The following MLPH variants were observed in gnomAD, a reference collection of about 807,000 sequenced individuals.
MLPH encodes melanophilin.
MLPH carries 51 observed loss-of-function variants against 72.1 expected under a neutral mutation model. The ratio of observed to expected loss-of-function variants is 0.71; its 90% CI spans 0.56 to 0.89. The LOEUF (loss-of-function observed/expected upper bound fraction) is 0.89. MLPH is among the 40% of genes least tolerant of loss of function. The pLI is 0.00. For missense variants in MLPH, 743 were observed against 759.9 expected (o/e 0.98, Z 0.26); for synonymous variants, 301 against 310.1 (o/e 0.97, Z 0.31).
chr2:237,548,965 A>C (rs1216903004), intron 13 of MLPH, among the ~76,000 whole-genome samples: 2 of 152,170 alleles, frequency 1.3e-5, no homozygotes, highest in Non-Finnish European at 2.9e-5. Flanking sequence ...CAGGGCAGAA[A>C]CTTGTACTCT....
chr2:237,515,174 T>C (rs1350320874), intron 4 of MLPH, among the ~76,000 whole-genome samples: 1 of 152,168 alleles, frequency 6.6e-6, no homozygotes, highest in African/African-American at 2.4e-5. Context: ...ATGGTAGAAT[T>C]GTAAGCTGGT....
At chr2:237,491,857 C>T (rs1172309083) in intron 1 of MLPH, among the ~76,000 whole-genome samples, 1 of 152,198 alleles carries the variant, frequency 6.6e-6, no homozygotes, top group Non-Finnish European at 1.5e-5. Flanking sequence ...CACTGCATCA[C>T]TCCCCTGCCT....
At chr2:237,495,463 G>A (rs1037780614) in intron 2 of MLPH, among the ~76,000 whole-genome samples, 2 of 152,194 alleles carry the variant, frequency 1.3e-5, no homozygotes, top group African/African-American at 2.4e-5. Context: ...GACCAGCCCC[G>A]GGGACGTGAG....
At chr2:237,528,598 A>G (rs1209571382) in intron 8 of MLPH, among the ~76,000 whole-genome samples, 4 of 152,078 alleles carry the variant, frequency 2.6e-5, no homozygotes, top group Non-Finnish European at 5.9e-5. Flanking sequence ...TGATCCCCCC[A>G]CCTTGGCCTC....
Position 237,510,684 on chromosome 2 carries a change from T to C in MLPH, c.221T>C (p.Leu74Pro). ...CARCLQPYQL[L>P]VNSKRQCLEC... ...CGCTGCCTGCAGCCCTACCAGCTGC[T>C]TGTGAATAGCAAAAGGCAGTGCCTG... is the stretch of plus-strand genomic sequence containing the variant. The change falls in exon 3 of 16, where the codon CTT becomes CCT. Residue 74 changes from leucine to proline, a missense_variant. Leu to Pro is a moderately conservative substitution (Grantham distance 98). Transcript: ENST00000264605. This position sits in a 1 kb window ranked among gnomAD's most constrained non-coding sequence, Gnocchi z 4.4. The C allele has an allele frequency of 6.2e-7, 1 of 1,613,786 alleles. No homozygotes were observed. The highest frequency in any genetic ancestry group is 8.5e-7 in the Non-Finnish European group (1 of 1,180,044).
chr2:237,525,488 G>A (rs2080282466), intron 6 of MLPH, 113 bp from the exon 7 acceptor site: 2 of 1,014,810 alleles, frequency 2.0e-6, no homozygotes, highest in African/African-American at 1.6e-5. Context: ...GCCTAGTGCT[G>A]GGTCAGTCAA....
chr2:237,535,084 CTT>C (rs756616100), intron 9 of MLPH, among the ~76,000 whole-genome samples: 46 of 152,128 alleles, frequency 3.0e-4, no homozygotes, highest in Non-Finnish European at 8.8e-5. Flanking sequence ...GACTGGGTAA[CTT>C]ATAATGAGCA....
chr2:237,527,572 A>G (rs1029161773), intron 8 of MLPH, 56 bp downstream of exon 8: 92 of 1,603,382 alleles, frequency 5.7e-5, no homozygotes, highest in Non-Finnish European at 7.5e-5. Flanking sequence ...GAGTCTTTTT[A>G]CCTCCACACC....
At chr2:237,525,251 C>T (rs1237246273) in intron 6 of MLPH, among the ~76,000 whole-genome samples, 1 of 152,142 alleles carries the variant, frequency 6.6e-6, no homozygotes, top group Non-Finnish European at 1.5e-5. Context: ...ACTTCCCTGC[C>T]CACGTCCTCA....
intron 9 of MLPH, 147 bp from the exon 10 acceptor site, chr2:237,540,201 G>T: frequency 1.1e-6 from 1 of 881,766 alleles, no homozygotes; most frequent in Non-Finnish European, 1.7e-6. Context: ...GGGGCATGTT[G>T]GACAAGCTGG....
chr2:237,524,302 A>AATATAC (rs1553599078), intron 6 of MLPH, among the ~76,000 whole-genome samples: 5 of 127,368 alleles, frequency 3.9e-5, no homozygotes, highest in Non-Finnish European at 7.6e-5. Context: ...GAACTAATAG[A>AATATAC]ATATATATAT....
In MLPH at chr2:237,510,385, C is replaced by A; in HGVS notation, c.111-189C>A. 1.5e-6 allele frequency: 1 copy of A among 670,302 alleles called. No homozygotes were observed. 41.5% of individuals were successfully genotyped at this position (670,302 alleles called of 1,614,324 possible). ...GCCACCAAAATTGCCCGTTTGAGCT[C>A]AGCCCTCAAAACAAAGATGCCTGTG... On this transcript the variant is annotated intron_variant, in intron 2 of 15. Transcript: ENST00000264605. The surrounding 1 kb of genome is among the most constrained non-coding windows in gnomAD (Gnocchi z 4.4).
chr2:237,553,826 G>A lies in MLPH; in HGVS notation c.*234G>A, dbSNP rs1039880226. On this transcript the variant is annotated 3_prime_UTR_variant, in exon 16 of 16. Transcript: ENST00000264605. ...GCTGCCCCACCATCCTCTCTGATCT[G>A]TGAGAAACAGCTAAGCTGCTGTGAC... The A allele has an allele frequency of 2.9e-5, 20 of 699,146 alleles. No homozygotes were observed. In the African/African-American group the frequency reaches 3.3e-4, roughly 12 times the overall value. 43.3% of individuals were successfully genotyped at this position (699,146 alleles called of 1,614,324 possible). A position where few individuals can be genotyped will look rare whatever the true frequency, so the allele number is the denominator to read the frequency against.
intron 4 of MLPH, chr2:237,511,609 A>G (rs972850809): frequency 2.0e-4 from 34 of 166,078 alleles, no homozygotes; most frequent in Non-Finnish European, 3.7e-4. Flanking sequence ...GCTTGTTAAT[A>G]CTACATGTTT....
At chr2:237,528,204 G>A (rs894335714) in intron 8 of MLPH, among the ~76,000 whole-genome samples, 24 of 152,036 alleles carry the variant, frequency 1.6e-4, no homozygotes, top group African/African-American at 5.8e-4. Flanking sequence ...GGACGGTGGT[G>A]ACAGTTATAC....
In MLPH at chr2:237,545,579, C is replaced by T. The variant is rs11897812; in HGVS notation, c.1540-1027C>T. On this transcript the variant is annotated intron_variant, in intron 12 of 15. Transcript: ENST00000264605. ...CCTCATGTGGAAATCCTTAGTCCGC[C>T]GCCACGTGAAGATGGATGTGACTAG... 1.8e-3 allele frequency: 2,276 copies of T among 1,287,788 alleles called. 30 individuals carry two copies. In the African/African-American group the frequency reaches 0.029, roughly 17 times the overall value. 79.8% of individuals were successfully genotyped at this position (1,287,788 alleles called of 1,614,324 possible).
chr2:237,538,505 C>T (rs544739268), intron 9 of MLPH, among the ~76,000 whole-genome samples: 1 of 152,304 alleles, frequency 6.6e-6, no homozygotes, highest in East Asian at 1.9e-4. Flanking sequence ...CAGGAGCTGC[C>T]CTCGAAGAAT....
intron 2 of MLPH, among the ~76,000 whole-genome samples, chr2:237,499,174 G>T (rs1299626425): frequency 6.6e-6 from 1 of 152,114 alleles, no homozygotes; most frequent in Non-Finnish European, 1.5e-5. Context: ...ACGGCAGAGT[G>T]TTCACTAGCC....
At chr2:237,490,021 A>G (rs1466113760) in intron 1 of MLPH, among the ~76,000 whole-genome samples, 1 of 152,118 alleles carries the variant, frequency 6.6e-6, no homozygotes, top group African/African-American at 2.4e-5. Context: ...TTAAAATATG[A>G]TCGAATCTGA....
Sources: gnomAD v4.1 joint callset for allele counts (sites outside exome capture counted in the v4.1 genomes callset) on GRCh38, gnomAD v4.1.1 for gene constraint, Gnocchi (gnomAD v3.1) non-coding constraint, MANE v1.5 for transcripts, NCBI Gene and HGNC (gene_info 2026-07-23, HGNC 2026-07-21) for gene names.